The following GINS2 variants were observed in gnomAD, a reference collection of about 807,000 sequenced individuals.
GINS2 encodes the protein DNA replication complex GINS protein PSF2.
In GINS2, 23 loss-of-function variants were observed where a neutral mutation model predicts 21.2. The observed-to-expected ratio is 1.08, with a 90% CI of 0.78 to 1.53. GINS2 has a LOEUF of 1.53. Ranked by LOEUF, GINS2 falls within the 40% of genes most tolerant of loss-of-function variation. The probability of loss-of-function intolerance (pLI) is 0.00; values close to 1 mark genes in which losing one functional copy is unlikely to be tolerated. For synonymous variants in GINS2, 118 were observed against 85.6 expected, an observed-to-expected ratio of 1.38 and a Z score of -2.09; for missense variants, 323 against 233.9, an observed-to-expected ratio of 1.38 and a Z score of -2.49.
At chr16:85,685,669 T>TTAAAAAAAAAAAAAAAAAAAAAAAAA (rs2053768222) in intron 2 of GINS2, among the ~76,000 whole-genome samples, 1 of 12,500 alleles carries the variant, frequency 8.0e-5, no homozygotes, top group Non-Finnish European at 1.7e-4. Context: ...AGACCCTTTC[T>TTAAAAAAAAAAAAAAAAAAAAAAAAA]CAAAAAAAAA....
At chr16:85,687,122 G>A (rs1458437063) in intron 2 of GINS2, among the ~76,000 whole-genome samples, 3 of 152,234 alleles carry the variant, frequency 2.0e-5, no homozygotes. Flanking sequence ...TTGGGAGGCT[G>A]AGGCAGGAGG....
chr16:85,685,669 T>C (rs1304199329), intron 2 of GINS2, among the ~76,000 whole-genome samples: 1 of 12,514 alleles, frequency 8.0e-5, no homozygotes, highest in African/African-American at 3.3e-4. Context: ...AGACCCTTTC[T>C]CAAAAAAAAA....
At chr16:85,680,321 T>C (rs1240925887) in intron 3 of GINS2, among the ~76,000 whole-genome samples, 1 of 152,146 alleles carries the variant, frequency 6.6e-6, no homozygotes, top group African/African-American at 2.4e-5. Flanking sequence ...AGCAGCGCCA[T>C]TCAGTGGGCT....
chr16:85,680,542 G>A (rs902603402), intron 3 of GINS2, among the ~76,000 whole-genome samples: 13 of 151,976 alleles, frequency 8.6e-5, no homozygotes, highest in South Asian at 2.1e-4. Flanking sequence ...AACATGAGCC[G>A]CAGGCATCTC....
intron 3 of GINS2, among the ~76,000 whole-genome samples, chr16:85,678,945 G>C (rs761956605): frequency 2.6e-5 from 4 of 152,210 alleles, no homozygotes; most frequent in Non-Finnish European, 4.4e-5. Context: ...TCAGCTCTAA[G>C]TCAGAAGCCT....
Position 85,678,206 on chromosome 16 carries a change from C to G in GINS2, c.*6G>C, listed in dbSNP as rs2053700325. On this transcript the variant is annotated 3_prime_UTR_variant, in exon 5 of 5. Coordinates refer to ENST00000253462, the MANE Select transcript of GINS2 (RefSeq NM_016095.3). ...CCCCAGCAAGCCGCCTGCACCAGGC[C>G]TTTCTCTAGAAGTCCTGAGACTGAG... 3 of 1,612,728 alleles carry G rather than the reference C, an allele frequency of 1.9e-6. No homozygotes were observed. In the Admixed American group the frequency reaches 5.0e-5, roughly 27 times the overall value.
intron 2 of GINS2, among the ~76,000 whole-genome samples, chr16:85,683,762 G>C (rs150099122): frequency 6.6e-6 from 1 of 152,238 alleles, no homozygotes; most frequent in Non-Finnish European, 1.5e-5. Context: ...ACACAGCAGA[G>C]TGATCCTTTC....
At position 85,681,626 on chromosome 16, in the gene GINS2, C is replaced by T; in HGVS notation, c.261G>A (p.Met87Ile). 2 of 1,612,992 alleles carry T rather than the reference C, an allele frequency of 1.2e-6. No homozygotes were observed. The highest frequency in any genetic ancestry group is 8.5e-7 in the Non-Finnish European group (1 of 1,179,030). Reference protein sequence around the residue: ...HERKEETFTPMPSPYYMELTK... With the variant: ...HERKEETFTPIPSPYYMELTK... Reference sequence around the variant, plus strand: ...TAAGTTCCATGTAGTAAGGGCTGGGCATTGGGGTAAAAGTTTCTTCCTTTC... The same window carrying T: ...TAAGTTCCATGTAGTAAGGGCTGGGTATTGGGGTAAAAGTTTCTTCCTTTC... Residue 87 changes from methionine to isoleucine, a missense_variant, in exon 3 of 5, where the codon ATG becomes ATA. Physicochemically the swap from Met to Ile is conservative, Grantham distance 10. Transcript: ENST00000253462.
intron 2 of GINS2, among the ~76,000 whole-genome samples, chr16:85,683,966 G>T (rs1209935313): frequency 6.6e-6 from 1 of 152,210 alleles, no homozygotes; most frequent in African/African-American, 2.4e-5. Context: ...GATCCAGCAA[G>T]TCCATCATTC....
In GINS2 at chr16:85,677,140, G is replaced by A. The variant is rs1391686470; in HGVS notation, c.*1072C>T. On this transcript the variant is annotated 3_prime_UTR_variant, in exon 5 of 5. Coordinates refer to ENST00000253462, the MANE Select transcript of GINS2 (RefSeq NM_016095.3). ...CCTGCCTTGGCCTCCCAAAGTGCTG[G>A]GATTACATGCATGAGCCAAGCCAAT... 2.6e-5 allele frequency: 4 copies of A among 151,966 alleles called. No individual in the cohort carries two copies. Among genetic ancestry groups the A allele is most frequent in the Non-Finnish European group, 5.9e-5 (4 of 68,014 alleles). 9.4% of individuals were successfully genotyped at this position (151,966 alleles called of 1,614,324 possible). A position where few individuals can be genotyped will look rare whatever the true frequency, so the allele number is the denominator to read the frequency against.
In GINS2 at chr16:85,678,666, A is replaced by C. The variant is rs775476694; in HGVS notation, c.306T>G (p.His102Gln). ...YMELTKLLLN[H>Q]ASDNIPKADE... ...CTGCCTTCGGGATGTTGTCTGAAGC[A>C]CTAAAGGAGCAAGGGCTAAAGTCAG... The change falls in exon 4 of 5, where the codon CAT (histidine) becomes CAG (glutamine). Residue 102 changes from histidine (H) to glutamine (Q), a missense_variant and splice_region_variant. Physicochemically the swap from His to Gln is conservative, Grantham distance 24. Transcript: ENST00000253462. 2 of 1,613,404 alleles carry C rather than the reference A, an allele frequency of 1.2e-6. No homozygotes were observed. The highest frequency in any genetic ancestry group is 2.2e-5 in the South Asian group (2 of 91,014).
chr16:85,686,309 T>C (rs2053776798), intron 2 of GINS2, among the ~76,000 whole-genome samples: 1 of 152,164 alleles, frequency 6.6e-6, no homozygotes, highest in Admixed American at 6.5e-5. Flanking sequence ...TCCCAGCTAC[T>C]TGGGAGGCTG....
intron 2 of GINS2, among the ~76,000 whole-genome samples, chr16:85,686,930 T>C (rs936930873): frequency 6.6e-6 from 1 of 152,258 alleles, no homozygotes; most frequent in African/African-American, 2.4e-5. Context: ...TGAAATATCT[T>C]ACATTAAAAT....
intron 2 of GINS2, among the ~76,000 whole-genome samples, chr16:85,684,928 A>C (rs984611904): frequency 6.6e-6 from 1 of 151,954 alleles, no homozygotes; most frequent in Non-Finnish European, 1.5e-5. Flanking sequence ...AGCTGGGATT[A>C]CAGGCGCCCA....
In GINS2 at chr16:85,688,833, A is replaced by C; in HGVS notation, c.66T>G (p.Ser22Arg). ...CCCCGATGAGGTAGATCTTGTCCAG[A>C]CTGAAGTTGGGGATAATGGTAACCA... ...KELVTIIPNF[S>R]LDKIYLIGGD... is the part of the protein sequence containing the mutation. Residue 22 changes from serine to arginine, a missense_variant, in exon 1 of 5, where the codon AGT (serine) becomes AGG (arginine). Coordinates refer to ENST00000253462, the MANE Select transcript of GINS2 (RefSeq NM_016095.3). The C allele has an allele frequency of 1.9e-6, 3 of 1,544,902 alleles. No individual in the cohort carries two copies. The highest frequency in any genetic ancestry group is 2.6e-6 in the Non-Finnish European group (3 of 1,143,688).
intron 3 of GINS2, 111 bp from the exon 4 acceptor site, chr16:85,678,777 G>A (rs546848289): frequency 1.6e-5 from 17 of 1,059,208 alleles, no homozygotes; most frequent in Admixed American, 6.7e-5. Flanking sequence ...GACTCAGAAA[G>A]TCTGTTTTGC....
intron 2 of GINS2, among the ~76,000 whole-genome samples, chr16:85,687,182 C>T (rs8048967): frequency 0.69 from 105,647 of 152,174 alleles, 37,041 homozygotes; most frequent in East Asian, 0.89. Context: ...GATTGCACCA[C>T]TGCTCTCCAG....
rs767237377 is a variant in GINS2, at chr16:85,678,680, G to C, written c.306-14C>G. 1.2e-6 allele frequency: 2 copies of C among 1,611,918 alleles called. No homozygotes were observed. The highest frequency in any genetic ancestry group is 1.7e-6 in the Non-Finnish European group (2 of 1,178,740). ...TTGTCTGAAGCACTAAAGGAGCAAG[G>C]GCTAAAGTCAGTCGGGGAACACTTG... On this transcript the variant is annotated splice_polypyrimidine_tract_variant and intron_variant, in intron 3 of 4. Coordinates refer to ENST00000253462, the MANE Select transcript of GINS2 (RefSeq NM_016095.3).
chr16:85,679,526 G>C (rs1472437538), intron 3 of GINS2, among the ~76,000 whole-genome samples: 1 of 152,202 alleles, frequency 6.6e-6, no homozygotes, highest in Non-Finnish European at 1.5e-5. Flanking sequence ...TTTATGTAGT[G>C]AGTTTTATTT....
Sources: gnomAD v4.1 joint callset for allele counts (sites outside exome capture counted in the v4.1 genomes callset) on GRCh38, gnomAD v4.1.1 for gene constraint, MANE v1.5 for transcripts, NCBI Gene and HGNC (gene_info 2026-07-23, HGNC 2026-07-21) for gene names.